Variants in MOSPD2 observed in about 807,000 individuals in gnomAD.
MOSPD2 encodes motile sperm domain-containing protein 2.
MOSPD2 carries 5 observed loss-of-function variants against 41.7 expected under a neutral mutation model. The ratio of observed to expected loss-of-function variants is 0.12; its 90% CI spans 0.06 to 0.25. The LOEUF is 0.25. Among genes scored for constraint, MOSPD2 ranks in the 10% least tolerant of loss-of-function variants. The pLI is 1.00. For missense variants in MOSPD2, 282 were observed against 375.2 expected, an observed-to-expected ratio of 0.75 and a Z score of 2.05; for synonymous variants, 115 against 126.9, an observed-to-expected ratio of 0.91 and a Z score of 0.63.
chrX:14,912,171 A>T, intron 9 of MOSPD2, 78 bp from the exon 10 acceptor site: 1 of 588,206 alleles, frequency 1.7e-6, no homozygotes, highest in Non-Finnish European at 2.6e-6. Flanking sequence ...TATGTTATGT[A>T]TAATAGTAGG....
intron 2 of MOSPD2, among the ~76,000 whole-genome samples, chrX:14,884,511 C>G (rs1192540015): frequency 1.8e-5 from 2 of 111,162 alleles, no homozygotes; most frequent in Non-Finnish European, 3.8e-5. Context: ...AGGAAAAGTC[C>G]TCTCCAGGAA....
Position 14,920,199 on chromosome X carries a change from T to C in MOSPD2, c.*390T>C, listed in dbSNP as rs183604145. ...CAGCCAAAAAATGTAATCTGCTTTT[T>C]TATGACAGAATTATTATAGCTGAGC... is the stretch of plus-strand genomic sequence containing the variant. On this transcript the variant is annotated 3_prime_UTR_variant, in exon 15 of 15. Transcript: ENST00000380492. The C allele has an allele frequency of 1.6e-3, 1,195 of 753,956 alleles. 15 individuals carry two copies. The African/African-American group carries it at 0.025, about 16-fold the overall frequency. 62.1% of individuals were successfully genotyped at this position (753,956 alleles called of 1,213,427 possible). A position where few individuals can be genotyped will look rare whatever the true frequency, so the allele number is the denominator to read the frequency against.
At position 14,920,243 on chromosome X, in the gene MOSPD2, A is replaced by G. The variant is rs1044145986; in HGVS notation, c.*434A>G. 2 of 739,684 alleles carry G rather than the reference A, an allele frequency of 2.7e-6. No homozygotes were observed. Among genetic ancestry groups the G allele is most frequent in the Non-Finnish European group, 3.2e-6 (2 of 626,986 alleles). The allele number at this position is 739,684 out of a possible 1,213,427, so 61.0% of individuals were successfully genotyped here. A position where few individuals can be genotyped will look rare whatever the true frequency, so the allele number is the denominator to read the frequency against. On this transcript the variant is annotated 3_prime_UTR_variant, in exon 15 of 15. Transcript: ENST00000380492. ...GCTGAGCTGACTTACTAGCTTTTCT[A>G]TACTATGTATATAGAAGAACATGTA... is the stretch of plus-strand genomic sequence containing the variant.
At chrX:14,874,719 C>T (rs1480112297) in intron 2 of MOSPD2, among the ~76,000 whole-genome samples, 1 of 111,608 alleles carries the variant, frequency 9.0e-6, no homozygotes, top group African/African-American at 3.3e-5. Context: ...TTTAAACCAT[C>T]CTAGATTATA....
At chrX:14,914,755 C>T (rs2092597475) in intron 11 of MOSPD2, among the ~76,000 whole-genome samples, 156 bp downstream of exon 11, 1 of 111,704 alleles carries the variant, frequency 9.0e-6, no homozygotes, top group Admixed American at 9.5e-5. Context: ...CTGGTTCTAA[C>T]CAAGTCGCAT....
rs1264794604 is a variant in MOSPD2, at chrX:14,897,085, C to T, written c.324C>T (p.Phe108=). 2.0e-5 allele frequency: 23 copies of T among 1,178,150 alleles called. No homozygotes were observed. The highest frequency in any genetic ancestry group is 2.3e-5 in the Non-Finnish European group (20 of 880,007). ...HGYDKEGNKL[F]WIRVKYHVKD... ...CTTATTTTTATCTTCTGCTTAAAGT[C>T]TGGATCAGGGTGAAGTATCATGTAA... Residue 108 remains phenylalanine, a splice_region_variant and synonymous_variant, in exon 5 of 15, where the codon TTC becomes TTT. Transcript: ENST00000380492.
At chrX:14,902,658 T>C (rs752834457) in intron 6 of MOSPD2, among the ~76,000 whole-genome samples, 1 of 111,951 alleles carries the variant, frequency 8.9e-6, no homozygotes, top group Admixed American at 9.5e-5. Flanking sequence ...CTTTTGTACC[T>C]CCCTGCAAAC....
chrX:14,901,128 A>G lies in MOSPD2; in HGVS notation c.538+493A>G, dbSNP rs764856486. Among the ~76,000 whole-genome samples the G allele has an allele frequency of 7.1e-5, 8 of 112,039 alleles. No homozygotes were observed. The South Asian group carries it at 2.2e-3, about 31-fold the overall frequency. ...GTCATTAAGAAAATACTTGACTAGA[A>G]GGTACTACATTTGAATCTGGCATTT... On this transcript the variant is annotated intron_variant, in intron 6 of 14. Coordinates refer to ENST00000380492, the MANE Select transcript of MOSPD2 (RefSeq NM_152581.4).
intron 14 of MOSPD2, 76 bp downstream of exon 14, chrX:14,918,858 A>C (rs1732067467): frequency 1.5e-6 from 1 of 658,453 alleles, no homozygotes; most frequent in East Asian, 3.4e-5. Flanking sequence ...TTTCTCACGG[A>C]CATAAAGAAA....
intron 5 of MOSPD2, 70 bp downstream of exon 5, chrX:14,897,308 C>A: frequency 1.1e-6 from 1 of 906,279 alleles, no homozygotes; most frequent in Non-Finnish European, 1.5e-6. Context: ...GTCCTTGCTG[C>A]CAACCACATA....
chrX:14,904,734 A>G (rs1192024079), intron 7 of MOSPD2, among the ~76,000 whole-genome samples: 1 of 112,037 alleles, frequency 8.9e-6, no homozygotes, highest in Non-Finnish European at 1.9e-5. Flanking sequence ...ACTGGCATCA[A>G]TGTGTGGCAA....
rs765966840 is a variant in MOSPD2, at chrX:14,884,222, A to G, written c.80-8501A>G. Among the ~76,000 whole-genome samples, 3 of 111,931 alleles carry G rather than the reference A, an allele frequency of 2.7e-5. No individual in the cohort carries two copies. In the East Asian group the frequency reaches 8.3e-4, roughly 31 times the overall value. On this transcript the variant is annotated intron_variant, in intron 2 of 14. Transcript: ENST00000380492. The stretch of plus-strand genomic sequence containing the variant: ...TCACTAATAAGTAAATAGTACACCA[A>G]AGGAAGCAGAGGGATGCAAGAAGTA...
At chrX:14,873,961 C>G in intron 2 of MOSPD2, 2 of 439,427 alleles carry the variant, frequency 4.6e-6, no homozygotes, top group Non-Finnish European at 8.0e-6. Flanking sequence ...GTCCCATGCT[C>G]CCTTTAAAGG....
intron 5 of MOSPD2, among the ~76,000 whole-genome samples, chrX:14,899,131 C>CTTTTTTTTTTTTTTTTTTTTTTT (rs2092567902): frequency 9.5e-6 from 1 of 104,791 alleles, no homozygotes; most frequent in Non-Finnish European, 2.0e-5. Flanking sequence ...GAAAGTCTTT[C>CTTTTTTTTTTTTTTTTTTTTTTT]ATGGGTCCTC....
intron 3 of MOSPD2, among the ~76,000 whole-genome samples, chrX:14,894,416 A>C (rs1012866927): frequency 9.6e-6 from 1 of 104,116 alleles, no homozygotes; most frequent in African/African-American, 3.6e-5. Context: ...TCCTGAGTGC[A>C]CGCCATTCTC....
chrX:14,902,939 T>G, intron 6 of MOSPD2, 27 bp from the exon 7 acceptor site: 2 of 1,103,948 alleles, frequency 1.8e-6, no homozygotes, highest in Non-Finnish European at 2.5e-6. Flanking sequence ...CTGATTCACA[T>G]TCAATGAATT....
chrX:14,878,553 G>T (rs1230617603), intron 2 of MOSPD2, among the ~76,000 whole-genome samples: 1 of 111,494 alleles, frequency 9.0e-6, no homozygotes, highest in African/African-American at 3.3e-5. Flanking sequence ...TTCAGTTTTT[G>T]AATATATTCA....
At chrX:14,888,874 G>A (rs753215308) in intron 2 of MOSPD2, among the ~76,000 whole-genome samples, 9 of 111,034 alleles carry the variant, frequency 8.1e-5, no homozygotes, top group Middle Eastern at 4.6e-3. Flanking sequence ...GTCTTAGTCC[G>A]TTCTGTGATG....
chrX:14,888,839 C>A (rs951130494), intron 2 of MOSPD2, among the ~76,000 whole-genome samples: 3 of 110,285 alleles, frequency 2.7e-5, no homozygotes, highest in African/African-American at 9.9e-5. Flanking sequence ...GGGTGTACAT[C>A]TTTAGCATCT....
Sources: gnomAD v4.1 joint callset for allele counts (sites outside exome capture counted in the v4.1 genomes callset) on GRCh38, gnomAD v4.1.1 for gene constraint, MANE v1.5 for transcripts, NCBI Gene and HGNC (gene_info 2026-07-23, HGNC 2026-07-21) for gene names.